NACC2: variants seen among roughly 807,000 people sequenced by gnomAD.
The protein encoded by NACC2 is nucleus accumbens-associated protein 2.
A neutral mutation model predicts 25.1 loss-of-function variants in NACC2; 8 were observed. The observed-to-expected ratio is 0.32, with a 90% CI of 0.19 to 0.57. NACC2 has a LOEUF of 0.57. Among genes scored for constraint, NACC2 ranks in the 20% least tolerant of loss-of-function variants. NACC2 has a pLI of 0.89. For missense variants in NACC2, 644 were observed against 650.2 expected (o/e 0.99, Z 0.10); for synonymous variants, 435 against 294.7 (o/e 1.48, Z -4.88).
At chr9:136,062,107 C>T (rs7851532) in intron 1 of NACC2, among the ~76,000 whole-genome samples, 142,001 of 150,688 alleles carry the variant, frequency 0.94, 67,382 homozygotes, top group Non-Finnish European at 1. Flanking sequence ...GCCTGGGCAA[C>T]AGAGCGAGAC....
chr9:136,013,175 C>T lies in NACC2; in HGVS notation c.1255+24G>A. On this transcript the variant is annotated intron_variant, in intron 5 of 5. Coordinates refer to ENST00000277554, the MANE Select transcript of NACC2 (RefSeq NM_144653.5). The surrounding 1 kb of genome is among the most constrained non-coding windows in gnomAD (Gnocchi z 6.6). ...CTGAACCCAGCCCCGGCCCCACCCACCCGAGAGACCCCCAGGCTCTTACAT... is the reference window on the plus strand; with the variant it reads ...CTGAACCCAGCCCCGGCCCCACCCATCCGAGAGACCCCCAGGCTCTTACAT... 1.4e-6 allele frequency: 2 copies of T among 1,431,446 alleles called. No homozygotes were observed. The highest frequency in any genetic ancestry group is 2.0e-6 in the Non-Finnish European group (2 of 1,019,898). The allele number at this position is 1,431,446 out of a possible 1,614,324, so 88.7% of individuals were successfully genotyped here.
intron 2 of NACC2, among the ~76,000 whole-genome samples, chr9:136,037,039 G>A (rs1282496410): frequency 6.6e-6 from 1 of 152,044 alleles, no homozygotes; most frequent in Non-Finnish European, 1.5e-5. Context: ...GTGATTTCCT[G>A]GGCAATCCAG....
At chr9:136,057,806 TC>T (rs1382325577) in intron 1 of NACC2, among the ~76,000 whole-genome samples, 1 of 152,098 alleles carries the variant, frequency 6.6e-6, no homozygotes, top group Non-Finnish European at 1.5e-5. Flanking sequence ...TGTGGCCTGA[TC>T]ATCACCACTG....
chr9:136,082,968 G>C (rs1048039137), intron 1 of NACC2, among the ~76,000 whole-genome samples: 3 of 152,224 alleles, frequency 2.0e-5, no homozygotes, highest in African/African-American at 7.2e-5. Context: ...CAGGGCGAGG[G>C]GGAAGACGCC....
At chr9:136,032,928 GA>G (rs1400149810) in intron 2 of NACC2, among the ~76,000 whole-genome samples, 3 of 152,076 alleles carry the variant, frequency 2.0e-5, no homozygotes, top group Non-Finnish European at 4.4e-5. Context: ...TGAGGCAGGA[GA>G]ATCACTAGAA....
At chr9:136,080,410 T>C (rs1588583085) in intron 1 of NACC2, among the ~76,000 whole-genome samples, 4 of 152,124 alleles carry the variant, frequency 2.6e-5, no homozygotes, top group Admixed American at 2.6e-4. Flanking sequence ...ACGTCTCTAT[T>C]AAAAATACAA....
Position 136,016,540 on chromosome 9 carries a change from C to T in NACC2, c.887-111G>A, listed in dbSNP as rs551442310. The T allele has an allele frequency of 2.4e-5, 32 of 1,317,774 alleles. No individual in the cohort carries two copies. In the East Asian group the frequency reaches 7.9e-4, roughly 32 times the overall value. 81.6% of individuals were successfully genotyped at this position (1,317,774 alleles called of 1,614,324 possible). ...GGGGCCTGTGTTAGACCCACTCTGC[C>T]CACCTGGGCCCAGGTGAGGCCACTC... On this transcript the variant is annotated intron_variant, in intron 2 of 5. Coordinates refer to ENST00000277554, the MANE Select transcript of NACC2 (RefSeq NM_144653.5).
At chr9:136,016,119 A>T (rs1840199252) in intron 3 of NACC2, 146 bp downstream of exon 3, 1 of 852,222 alleles carries the variant, frequency 1.2e-6, no homozygotes, top group East Asian at 2.7e-5. Context: ...TTAATGACAC[A>T]TTCTTCTAAA....
At chr9:136,085,922 AG>A (rs1269634965) in intron 1 of NACC2, among the ~76,000 whole-genome samples, 3 of 150,122 alleles carry the variant, frequency 2.0e-5, no homozygotes, top group African/African-American at 7.4e-5. Context: ...CTCCAATGGG[AG>A]GGGCTGGCAG....
At chr9:136,076,125 T>C (rs1454462414) in intron 1 of NACC2, among the ~76,000 whole-genome samples, 1 of 152,146 alleles carries the variant, frequency 6.6e-6, no homozygotes, top group African/African-American at 2.4e-5. Context: ...TGCAACTCAG[T>C]AGTGATGACA....
chr9:136,051,043 G>A (rs983279784), intron 1 of NACC2, among the ~76,000 whole-genome samples: 1 of 152,350 alleles, frequency 6.6e-6, no homozygotes, highest in Admixed American at 6.5e-5. Context: ...AGGAGGGAGG[G>A]AGGGGGGTCT....
chr9:136,066,813 C>T (rs1588577956), intron 1 of NACC2, among the ~76,000 whole-genome samples: 1 of 152,030 alleles, frequency 6.6e-6, no homozygotes, highest in Admixed American at 6.5e-5. Flanking sequence ...GAATGAAGTA[C>T]TGGGAGAGCA....
chr9:136,040,549 T>C (rs1840612713), intron 2 of NACC2, among the ~76,000 whole-genome samples: 1 of 152,060 alleles, frequency 6.6e-6, no homozygotes, highest in African/African-American at 2.4e-5. Context: ...GACTTGTACC[T>C]AAATGCTCAC....
intron 2 of NACC2, among the ~76,000 whole-genome samples, chr9:136,042,062 C>T (rs1278357715): frequency 6.6e-6 from 1 of 152,136 alleles, no homozygotes; most frequent in Admixed American, 6.5e-5. Context: ...GATCTTGGCT[C>T]ACTATAACCT....
intron 1 of NACC2, among the ~76,000 whole-genome samples, chr9:136,090,144 C>T (rs1476193008): frequency 8.5e-5 from 13 of 152,266 alleles, no homozygotes; most frequent in Admixed American, 8.5e-4. Flanking sequence ...AAAGATGGTA[C>T]TTCCCCTTTC....
In NACC2 at chr9:136,014,117, G is replaced by C. The variant is rs532097998; in HGVS notation, c.1052-148C>G. The C allele has an allele frequency of 7.9e-4, 498 of 629,290 alleles. 1 individual carries two copies. Among genetic ancestry groups the C allele is most frequent in the Non-Finnish European group, 1.2e-3 (424 of 365,280 alleles). The allele number at this position is 629,290 out of a possible 1,614,324, so 39.0% of individuals were successfully genotyped here. A position where few individuals can be genotyped will look rare whatever the true frequency, so the allele number is the denominator to read the frequency against. ...GACTTTTTTTGGGGAGGAGCAATTT[G>C]AGGTCCCACCTGCTGGTCACCAGGA... On this transcript the variant is annotated intron_variant, in intron 3 of 5. Coordinates refer to ENST00000277554, the MANE Select transcript of NACC2 (RefSeq NM_144653.5).
chr9:136,076,786 A>C (rs561136608), intron 1 of NACC2, among the ~76,000 whole-genome samples: 4 of 152,268 alleles, frequency 2.6e-5, no homozygotes, highest in African/African-American at 9.6e-5. Context: ...AGGTGGGTGG[A>C]TCATGAGGTC....
chr9:136,030,902 A>T (rs911323523), intron 2 of NACC2, among the ~76,000 whole-genome samples: 10 of 152,068 alleles, frequency 6.6e-5, no homozygotes, highest in African/African-American at 1.9e-4. Flanking sequence ...AGTTCAAGTG[A>T]TCTGCCCACC....
At chr9:136,033,176 AAAAAT>A (rs565687845) in intron 2 of NACC2, among the ~76,000 whole-genome samples, 15 of 151,884 alleles carry the variant, frequency 9.9e-5, no homozygotes, top group African/African-American at 2.4e-4. Context: ...ACCCTGTCTC[AAAAAT>A]AAAATAAAAT....
Sources: allele counts gnomAD v4.1 joint callset (sites outside exome capture counted in the v4.1 genomes callset), GRCh38; gene constraint gnomAD v4.1.1; non-coding constraint Gnocchi (gnomAD v3.1); transcripts MANE v1.5; gene names NCBI Gene and HGNC (gene_info 2026-07-23, HGNC 2026-07-21).